The following CACNA1E variants were observed in gnomAD, a reference collection of about 807,000 sequenced individuals.
CACNA1E encodes voltage-dependent R-type calcium channel subunit alpha-1E.
CACNA1E carries 40 observed loss-of-function variants against 259.2 expected under a neutral mutation model. The observed-to-expected ratio is 0.15, with a 90% confidence interval of 0.12 to 0.20. The LOEUF (loss-of-function observed/expected upper bound fraction) is 0.20, where lower values mean the gene tolerates loss of function less well. Ranked by LOEUF, CACNA1E falls within the 10% of genes least tolerant of loss-of-function variation. The probability of loss-of-function intolerance (pLI) is 1.00; values close to 1 mark genes in which losing one functional copy is unlikely to be tolerated. For missense variants in CACNA1E, 1,874 were observed against 3,040.1 expected, an observed-to-expected ratio of 0.62 and a Z score of 9.02; for synonymous variants, 1,104 against 1,138.5, an observed-to-expected ratio of 0.97 and a Z score of 0.61.
At position 181,736,287 on chromosome 1, in the gene CACNA1E, C is replaced by T. The variant is rs1382064469; in HGVS notation, c.3275C>T (p.Thr1092Met). The change falls in exon 22 of 48, where the codon ACG becomes ATG. Residue 1092 changes from threonine to methionine, a missense_variant. Transcript: ENST00000367573. ...DSTVVHISNK[T>M]DGEASPLKEA... The stretch of plus-strand genomic sequence containing the variant: ...GTTCCTCTTGCAGTTAGCAACAAGA[C>T]GGATGGGGAAGCCAGTCCCTTGAAG... 10 of 1,590,962 alleles carry T rather than the reference C, an allele frequency of 6.3e-6. No homozygotes were observed. The highest frequency in any genetic ancestry group is 1.7e-4 in the Middle Eastern group (1 of 6,040).
chr1:181,681,303 C>G (rs1289091774), intron 7 of CACNA1E, among the ~76,000 whole-genome samples: 1 of 152,188 alleles, frequency 6.6e-6, no homozygotes, highest in Non-Finnish European at 1.5e-5. Context: ...GTGGTAGATT[C>G]AAATGAAGTA....
chr1:181,716,123 T>G lies in CACNA1E; in HGVS notation c.1309T>G (p.Ser437Ala). 2 of 1,553,368 alleles carry G rather than the reference T, an allele frequency of 1.3e-6. No homozygotes were observed. Among genetic ancestry groups the G allele is most frequent in the South Asian group, 1.2e-5 (1 of 84,418 alleles). The stretch of plus-strand genomic sequence containing the variant: ...TGATGAGCACTGTGTTGATATCTCC[T>G]CTGTGGGTGAGTGGATCCAGTTAGA... ...SSDEHCVDISSVGTPLARASI... is the reference protein window; with the variant it reads ...SSDEHCVDISAVGTPLARASI... The change falls in exon 10 of 48, where the codon TCT (serine) becomes GCT (alanine). Residue 437 changes from serine (S) to alanine (A), a missense_variant. Coordinates refer to ENST00000367573, the MANE Select transcript of CACNA1E (RefSeq NM_001205293.3).
chr1:181,750,540 G>T (rs1028388721), intron 26 of CACNA1E, 53 bp downstream of exon 26: 5 of 1,573,106 alleles, frequency 3.2e-6, no homozygotes, highest in South Asian at 1.1e-5. Context: ...TGAGTTGGAG[G>T]AGCGAGAAAG....
chr1:181,761,736 TTTTG>T (rs1658600253), intron 32 of CACNA1E, among the ~76,000 whole-genome samples: 1 of 152,160 alleles, frequency 6.6e-6, no homozygotes, highest in African/African-American at 2.4e-5. Context: ...CAAGTGTCCT[TTTTG>T]TTTGTTTTTA....
intron 3 of CACNA1E, among the ~76,000 whole-genome samples, chr1:181,514,954 C>T (rs895761974): frequency 2.0e-5 from 3 of 152,138 alleles, no homozygotes; most frequent in African/African-American, 4.8e-5. Context: ...ACCTTGCTAG[C>T]CTCATTTTAC....
At chr1:181,780,592 A>T (rs1017338344) in intron 38 of CACNA1E, among the ~76,000 whole-genome samples, 1 of 152,196 alleles carries the variant, frequency 6.6e-6, no homozygotes, top group African/African-American at 2.4e-5. Flanking sequence ...AGGAGGCTGG[A>T]CAGCTGCCTC....
chr1:181,368,285 T>TA (rs772565091), intron 1 of CACNA1E, among the ~76,000 whole-genome samples: 3,995 of 133,128 alleles, frequency 0.03, 60 homozygotes, highest in African/African-American at 0.039. Flanking sequence ...AGACTCTGTC[T>TA]AAAAAAAAAA....
At chr1:181,330,014 G>A (rs936917020) in intron 1 of CACNA1E, among the ~76,000 whole-genome samples, 2 of 152,176 alleles carry the variant, frequency 1.3e-5, no homozygotes, top group African/African-American at 4.8e-5. Flanking sequence ...CCTGACTCAG[G>A]AGGAACTGAA....
chr1:181,782,110 C>T (rs1263903680), intron 39 of CACNA1E, among the ~76,000 whole-genome samples: 2 of 152,218 alleles, frequency 1.3e-5, no homozygotes, highest in African/African-American at 4.8e-5. Flanking sequence ...AACCTGTCTT[C>T]CATCCTGTGA....
chr1:181,403,986 T>A (rs1374722758), intron 1 of CACNA1E, among the ~76,000 whole-genome samples: 1 of 152,214 alleles, frequency 6.6e-6, no homozygotes. Context: ...CACTTCTTTT[T>A]CTAGCCTTCC....
chr1:181,741,947 ACT>A (rs1656616508), intron 25 of CACNA1E, among the ~76,000 whole-genome samples: 1 of 150,844 alleles, frequency 6.6e-6, no homozygotes, highest in Admixed American at 6.6e-5. Context: ...TACTTCTTGA[ACT>A]CTCTCTTCAT....
chr1:181,692,140 A>G (rs1442879867), intron 7 of CACNA1E, among the ~76,000 whole-genome samples: 1 of 152,212 alleles, frequency 6.6e-6, no homozygotes, highest in Non-Finnish European at 1.5e-5. Context: ...GAAAAACTAT[A>G]AAACACTGCT....
chr1:181,498,020 C>T (rs1313629870), intron 1 of CACNA1E, among the ~76,000 whole-genome samples: 1 of 152,174 alleles, frequency 6.6e-6, no homozygotes, highest in Non-Finnish European at 1.5e-5. Flanking sequence ...CTGCAGAGCG[C>T]GTTTGGTTTG....
At chr1:181,422,502 A>G (rs1658827274) in intron 2 of CACNA1E, among the ~76,000 whole-genome samples, 1 of 152,174 alleles carries the variant, frequency 6.6e-6, no homozygotes, top group African/African-American at 2.4e-5. Context: ...GAGATTCATG[A>G]GCTGTAAAAC....
intron 2 of CACNA1E, among the ~76,000 whole-genome samples, chr1:181,452,710 C>T (rs1571906640): frequency 6.6e-6 from 1 of 152,232 alleles, no homozygotes; most frequent in South Asian, 2.1e-4. Flanking sequence ...AACCCTCCTC[C>T]GAAGTTGGTG....
At chr1:181,713,296 T>A (rs989431414) in intron 8 of CACNA1E, among the ~76,000 whole-genome samples, 19 of 152,126 alleles carry the variant, frequency 1.2e-4, no homozygotes, top group African/African-American at 4.6e-4. Flanking sequence ...GCTAAGATAA[T>A]TAAAGTTGCT....
intron 2 of CACNA1E, among the ~76,000 whole-genome samples, chr1:181,428,177 A>C (rs1379408547): frequency 6.6e-6 from 1 of 152,076 alleles, no homozygotes; most frequent in Non-Finnish European, 1.5e-5. Flanking sequence ...CACTTCTCTC[A>C]ACACCCCTCC....
rs372723848 is a variant in CACNA1E, at chr1:181,528,993, C to T, written c.512+17483C>T. 1.2e-4 allele frequency among the ~76,000 whole-genome samples: 18 copies of T among 152,336 alleles called. No individual in the cohort carries two copies. In the East Asian group the frequency reaches 2.5e-3, roughly 21 times the overall value. On this transcript the variant is annotated intron_variant, in intron 3 of 47. Transcript: ENST00000367573. ...AGGAGCCTAATGTTAATCCCCAAGA[C>T]GATGGGGAAAATATCTCCAGGCCAT...
chr1:181,365,329 C>T (rs1000856386), intron 1 of CACNA1E, among the ~76,000 whole-genome samples: 2 of 152,196 alleles, frequency 1.3e-5, no homozygotes, highest in African/African-American at 2.4e-5. Context: ...AACCACACCT[C>T]GCTAATTTAA....
Sources: gnomAD v4.1 joint callset for allele counts (sites outside exome capture counted in the v4.1 genomes callset) on GRCh38, gnomAD v4.1.1 for gene constraint, MANE v1.5 for transcripts, NCBI Gene and HGNC (gene_info 2026-07-23, HGNC 2026-07-21) for gene names.